The following NOX3 variants were observed in gnomAD, a reference collection of about 807,000 sequenced individuals.
The protein encoded by NOX3 is NADPH oxidase 3, also known as NADPH oxidase catalytic subunit-like 3.
NOX3 carries 74 observed loss-of-function variants against 76.7 expected under a neutral mutation model. The ratio of observed to expected loss-of-function variants is 0.96; its 90% CI spans 0.80 to 1.17. NOX3 has a LOEUF of 1.17. Among genes scored for constraint, NOX3 ranks in the 50% most tolerant of loss-of-function variants. The pLI is 0.00. For missense variants in NOX3, 695 were observed against 703.3 expected, an observed-to-expected ratio of 0.99 and a Z score of 0.13; for synonymous variants, 263 against 261.1, an observed-to-expected ratio of 1.01 and a Z score of -0.07.
At chr6:155,403,577 T>G (rs1779262576) in intron 12 of NOX3, among the ~76,000 whole-genome samples, 1 of 152,236 alleles carries the variant, frequency 6.6e-6, no homozygotes, top group African/African-American at 2.4e-5. Flanking sequence ...AGAGTTTGCA[T>G]AGCTACCGTG....
chr6:155,407,372 G>T, intron 11 of NOX3, 118 bp from the exon 12 acceptor site: 1 of 947,594 alleles, frequency 1.1e-6, no homozygotes, highest in Non-Finnish European at 1.5e-6. Flanking sequence ...TACAGGGCTG[G>T]CAATGCTTAT....
At chr6:155,402,825 T>C (rs1483879591) in intron 12 of NOX3, among the ~76,000 whole-genome samples, 2 of 152,184 alleles carry the variant, frequency 1.3e-5, no homozygotes, top group Admixed American at 6.5e-5. Context: ...TGAATAGAAA[T>C]GGTTGAGAGC....
intron 6 of NOX3, among the ~76,000 whole-genome samples, chr6:155,437,851 A>G (rs1462542971): frequency 1.3e-5 from 2 of 152,228 alleles, no homozygotes; most frequent in Non-Finnish European, 2.9e-5. Flanking sequence ...CAATAATCCT[A>G]CTTTCACTTG....
intron 11 of NOX3, among the ~76,000 whole-genome samples, chr6:155,407,744 G>C (rs566599800): frequency 6.6e-6 from 1 of 152,190 alleles, no homozygotes; most frequent in East Asian, 1.9e-4. Flanking sequence ...TGCCTAGTGG[G>C]TTTAAACGGT....
chr6:155,421,690 A>G (rs1443156457), intron 10 of NOX3, among the ~76,000 whole-genome samples: 16 of 152,052 alleles, frequency 1.1e-4, no homozygotes, highest in Non-Finnish European at 7.4e-5. Flanking sequence ...ATGTCTCTCT[A>G]TGCGGCCCGG....
intron 4 of NOX3, among the ~76,000 whole-genome samples, chr6:155,450,772 C>A (rs890294673): frequency 2.6e-5 from 4 of 151,882 alleles, no homozygotes; most frequent in African/African-American, 9.7e-5. Context: ...CTGGGTGTGC[C>A]CAAGGGGAAA....
chr6:155,454,268 A>G (rs1777183025), intron 3 of NOX3, among the ~76,000 whole-genome samples: 1 of 152,158 alleles, frequency 6.6e-6, no homozygotes, highest in African/African-American at 2.4e-5. Flanking sequence ...ATAATACAGT[A>G]TTTTACCTGG....
At chr6:155,421,856 G>A (rs982724373) in intron 10 of NOX3, among the ~76,000 whole-genome samples, 2 of 152,152 alleles carry the variant, frequency 1.3e-5, no homozygotes, top group Non-Finnish European at 2.9e-5. Context: ...TTGCAGGAGC[G>A]TTGCTTAAGT....
At position 155,432,354 on chromosome 6, in the gene NOX3, C is replaced by T. The variant is rs933436639; in HGVS notation, c.799-1419G>A. ...TCAAGCCTTTTCATATGTCCCTACA[C>T]TTCCTCCTAGGTTTTCTAAATCCAC... On this transcript the variant is annotated intron_variant, in intron 7 of 13. Coordinates refer to ENST00000159060, the MANE Select transcript of NOX3 (RefSeq NM_015718.3). Among the ~76,000 whole-genome samples, 4 of 146,936 alleles carry T rather than the reference C, an allele frequency of 2.7e-5. No homozygotes were observed. In the Admixed American group the frequency reaches 2.9e-4, roughly 10 times the overall value.
At chr6:155,446,481 G>T (rs1225779155) in intron 4 of NOX3, among the ~76,000 whole-genome samples, 1 of 152,082 alleles carries the variant, frequency 6.6e-6, no homozygotes, top group Non-Finnish European at 1.5e-5. Context: ...ACCCTCCTCA[G>T]GTATCAGCCT....
intron 10 of NOX3, 122 bp from the exon 11 acceptor site, chr6:155,411,482 C>T (rs1278097958): frequency 2.2e-5 from 18 of 817,986 alleles, no homozygotes; most frequent in Admixed American, 3.3e-5. Flanking sequence ...AAATAACATG[C>T]TTTTTTTTGT....
intron 7 of NOX3, 68 bp from the exon 8 acceptor site, chr6:155,431,003 A>G (rs1776825785): frequency 6.7e-6 from 7 of 1,047,328 alleles, no homozygotes; most frequent in Non-Finnish European, 8.8e-6. Flanking sequence ...TTCAATTTGA[A>G]CCAAATCAAT....
chr6:155,413,422 G>A (rs1378114370), intron 10 of NOX3, among the ~76,000 whole-genome samples: 1 of 151,982 alleles, frequency 6.6e-6, no homozygotes, highest in Non-Finnish European at 1.5e-5. Flanking sequence ...AGACAGGAAA[G>A]CACAGGGAGT....
chr6:155,440,240 T>G (rs765613049), intron 5 of NOX3, 103 bp from the exon 6 acceptor site: 3 of 890,774 alleles, frequency 3.4e-6, no homozygotes, highest in Non-Finnish European at 4.9e-6. Context: ...GACCAGTACT[T>G]GAGATTTCAA....
At chr6:155,441,807 T>C (rs1776988687) in intron 5 of NOX3, among the ~76,000 whole-genome samples, 1 of 152,170 alleles carries the variant, frequency 6.6e-6, no homozygotes, top group Admixed American at 6.6e-5. Flanking sequence ...TGTGTAGCAA[T>C]GGATTTTCCA....
At chr6:155,397,656 T>C (rs965953093) in intron 12 of NOX3, among the ~76,000 whole-genome samples, 1 of 152,222 alleles carries the variant, frequency 6.6e-6, no homozygotes, top group Non-Finnish European at 1.5e-5. Context: ...CGTTGTATGT[T>C]TTATCAAAAG....
At chr6:155,443,484 TAC>T (rs1777022224) in intron 4 of NOX3, 66 bp from the exon 5 acceptor site, 1 of 1,551,360 alleles carries the variant, frequency 6.4e-7, no homozygotes, top group Non-Finnish European at 8.8e-7. Flanking sequence ...TACTAAAAAA[TAC>T]AGTGTCTCTG....
intron 7 of NOX3, among the ~76,000 whole-genome samples, chr6:155,431,911 T>C (rs1446035998): frequency 6.6e-6 from 1 of 152,170 alleles, no homozygotes; most frequent in East Asian, 1.9e-4. Flanking sequence ...CTACCTCCCA[T>C]GTGCATTGCC....
chr6:155,440,588 C>T (rs952207484), intron 5 of NOX3, among the ~76,000 whole-genome samples: 3 of 151,518 alleles, frequency 2.0e-5, no homozygotes, highest in Non-Finnish European at 4.4e-5. Flanking sequence ...CTGCAATGAG[C>T]CGTGATGCTG....
Sources: allele counts gnomAD v4.1 joint callset (sites outside exome capture counted in the v4.1 genomes callset), GRCh38; gene constraint gnomAD v4.1.1; transcripts MANE v1.5; gene names NCBI Gene and HGNC (gene_info 2026-07-23, HGNC 2026-07-21).